PCDHGA2: variants seen among roughly 807,000 people sequenced by gnomAD.
PCDHGA2 encodes protocadherin gamma subfamily A, 2.
PCDHGA2 carries 40 observed loss-of-function variants against 59.2 expected under a neutral mutation model. That is an observed-to-expected ratio of 0.68 (90% CI 0.52 to 0.88). The LOEUF is 0.88. Among genes scored for constraint, PCDHGA2 ranks in the 40% least tolerant of loss-of-function variants. The probability of loss-of-function intolerance (pLI) is 0.00; values close to 1 mark genes in which losing one functional copy is unlikely to be tolerated. For synonymous variants in PCDHGA2, 560 were observed against 526.0 expected (o/e 1.06, Z -0.89); for missense variants, 1,226 against 1,204.0 (o/e 1.02, Z -0.27).
At chr5:141,425,756 A>G (rs1282506394) in intron 1 of PCDHGA2, among the ~76,000 whole-genome samples, 1 of 152,228 alleles carries the variant, frequency 6.6e-6, no homozygotes, top group Non-Finnish European at 1.5e-5. Flanking sequence ...TTTTTGTTCT[A>G]CAACAGGAGA....
intron 1 of PCDHGA2, chr5:141,427,834 C>A: frequency 6.5e-7 from 1 of 1,542,566 alleles, no homozygotes; most frequent in Non-Finnish European, 8.9e-7. Flanking sequence ...GCGCAGCGTG[C>A]CTTCGACCAC....
chr5:141,409,951 G>C (rs1480000390), intron 1 of PCDHGA2: 1 of 1,613,256 alleles, frequency 6.2e-7, no homozygotes, highest in Non-Finnish European at 8.5e-7. Flanking sequence ...GCTCTGCAGA[G>C]CCCGGCTACC....
intron 1 of PCDHGA2, among the ~76,000 whole-genome samples, chr5:141,451,829 C>T (rs564970982): frequency 1.2e-4 from 18 of 151,422 alleles, no homozygotes; most frequent in African/African-American, 4.1e-4. Flanking sequence ...TACAGTGAGC[C>T]GAGATCACAC....
chr5:141,352,452 C>G, intron 1 of PCDHGA2: 1 of 1,614,056 alleles, frequency 6.2e-7, no homozygotes, highest in Non-Finnish European at 8.5e-7. Context: ...TGCTCCAAGT[C>G]TGGGCCCGGG....
In PCDHGA2 at chr5:141,512,394, C is replaced by A. The variant is rs750967336; in HGVS notation, c.*1221C>A. 1 of 152,706 alleles carries A rather than the reference C, an allele frequency of 6.5e-6. No homozygotes were observed. The highest frequency in any genetic ancestry group is 1.5e-5 in the Non-Finnish European group (1 of 68,084). The allele number at this position is 152,706 out of a possible 1,614,324, so 9.5% of individuals were successfully genotyped here. ...GACCAAATGAACAGAAAGTCTCAGC[C>A]CAGGATGGGGCTTCTTCAACAGGGC... is the stretch of plus-strand genomic sequence containing the variant. On this transcript the variant is annotated 3_prime_UTR_variant, in exon 4 of 4. Transcript: ENST00000394576.
chr5:141,495,644 A>C (rs767670166), intron 2 of PCDHGA2, among the ~76,000 whole-genome samples: 1 of 151,770 alleles, frequency 6.6e-6, no homozygotes, highest in African/African-American at 2.4e-5. Flanking sequence ...TCATTTGTCT[A>C]CTTGCATTGA....
intron 1 of PCDHGA2, among the ~76,000 whole-genome samples, chr5:141,462,288 G>A (rs1239615759): frequency 3.9e-5 from 6 of 152,196 alleles, no homozygotes; most frequent in Non-Finnish European, 7.3e-5. Flanking sequence ...CACCAAATAT[G>A]TAAGTATTAC....
At chr5:141,399,758 T>G in intron 1 of PCDHGA2, 1 of 1,613,334 alleles carries the variant, frequency 6.2e-7, no homozygotes, top group Non-Finnish European at 8.5e-7. Context: ...AACGTGAGCC[T>G]GCGCGTGTTG....
chr5:141,421,307 T>C, intron 1 of PCDHGA2: 10 of 1,613,674 alleles, frequency 6.2e-6, no homozygotes, highest in Non-Finnish European at 8.5e-6. Context: ...CTGCGGGGGT[T>C]CCGGGCCAGG....
intron 1 of PCDHGA2, among the ~76,000 whole-genome samples, chr5:141,444,482 T>G (rs1346576719): frequency 6.6e-6 from 1 of 152,000 alleles, no homozygotes; most frequent in Non-Finnish European, 1.5e-5. Context: ...CGTACTGGAT[T>G]TATATTGTGT....
chr5:141,386,951 G>C (rs1313182720), intron 1 of PCDHGA2, among the ~76,000 whole-genome samples: 4 of 152,342 alleles, frequency 2.6e-5, no homozygotes, highest in Non-Finnish European at 4.4e-5. Flanking sequence ...CAGTGCTTCA[G>C]TGCAGCAGAT....
intron 1 of PCDHGA2, chr5:141,413,227 G>A (rs552225139): frequency 1.9e-5 from 30 of 1,613,938 alleles, no homozygotes; most frequent in Non-Finnish European, 2.5e-5. Flanking sequence ...CAGCGGGCTG[G>A]TCCTGCTCTG....
chr5:141,365,739 C>G (rs368437640), intron 1 of PCDHGA2: 1 of 1,613,674 alleles, frequency 6.2e-7, no homozygotes, highest in African/African-American at 1.3e-5. Context: ...AGAGGTGTCT[C>G]TATCTTCTCT....
chr5:141,387,317 A>C (rs149989100), intron 1 of PCDHGA2, among the ~76,000 whole-genome samples: 9 of 152,348 alleles, frequency 5.9e-5, no homozygotes, highest in African/African-American at 1.4e-4. Flanking sequence ...CTAATGAGTA[A>C]GTATGGAAAA....
chr5:141,362,237 T>C (rs1381834832), intron 1 of PCDHGA2: 3 of 1,614,026 alleles, frequency 1.9e-6, no homozygotes, highest in Non-Finnish European at 2.5e-6. Flanking sequence ...TTGATCTCAG[T>C]GCTCTTCTTC....
chr5:141,409,879 A>C, intron 1 of PCDHGA2: 1 of 1,612,852 alleles, frequency 6.2e-7, no homozygotes. Context: ...ATGACAACGC[A>C]CCGCGGGTGC....
intron 1 of PCDHGA2, chr5:141,393,958 T>C: frequency 6.2e-7 from 1 of 1,613,966 alleles, no homozygotes; most frequent in East Asian, 2.2e-5. Flanking sequence ...AATGGTCAAG[T>C]TGTCTGTTAC....
chr5:141,404,833 C>G (rs754055876), intron 1 of PCDHGA2: 1 of 1,613,844 alleles, frequency 6.2e-7, no homozygotes, highest in Admixed American at 1.7e-5. Flanking sequence ...GTGAAGTGCG[C>G]ACAGCTCGGG....
chr5:141,339,318 T>C lies in PCDHGA2; in HGVS notation c.347T>C (p.Ile116Thr). The C allele has an allele frequency of 6.2e-7, 1 of 1,614,234 alleles. No homozygotes were observed. Among genetic ancestry groups the C allele is most frequent in the South Asian group, 1.1e-5 (1 of 91,088 alleles). Residue 116 changes from isoleucine (I) to threonine (T), a missense_variant, in exon 1 of 4, where the codon ATT becomes ACT. Physicochemically the swap from Ile to Thr is moderately conservative, Grantham distance 89 (BLOSUM62 -1). Transcript: ENST00000394576. ...ATTCTGCTGGAGGATAAATTGACTA[T>C]TTATTCAGTAGAGGTGGAAATAACA... ...FNILLEDKLT[I>T]YSVEVEITDI...
Sources: gnomAD v4.1 joint callset for allele counts (sites outside exome capture counted in the v4.1 genomes callset) on GRCh38, gnomAD v4.1.1 for gene constraint, MANE v1.5 for transcripts, NCBI Gene and HGNC (gene_info 2026-07-23, HGNC 2026-07-21) for gene names.